Variants in MEAK7 observed in about 807,000 individuals in gnomAD.
The protein encoded by MEAK7 is MTOR associated protein MEAK7, also known as MTOR-associated protein MEAK7.
MEAK7 carries 68 observed loss-of-function variants against 40.5 expected under a neutral mutation model. The ratio of observed to expected loss-of-function variants is 1.68; its 90% CI spans 1.38 to 2.06. MEAK7 has a LOEUF of 2.06. MEAK7 is among the 30% of genes most tolerant of loss of function. MEAK7 has a pLI of 0.00. For missense variants in MEAK7, 918 were observed against 580.5 expected, an observed-to-expected ratio of 1.58 and a Z score of -5.98; for synonymous variants, 338 against 231.9, an observed-to-expected ratio of 1.46 and a Z score of -4.16.
intron 1 of MEAK7, among the ~76,000 whole-genome samples, 154 bp downstream of exon 1, chr16:84,504,447 T>C (rs1175918704): frequency 9.3e-6 from 1 of 107,816 alleles, no homozygotes. Flanking sequence ...AGCCTTCACC[T>C]CTCCCTCCCC....
chr16:84,485,684 A>G (rs1169424086), intron 5 of MEAK7, among the ~76,000 whole-genome samples: 1 of 152,160 alleles, frequency 6.6e-6, no homozygotes, highest in Non-Finnish European at 1.5e-5. Flanking sequence ...CTATCTATCT[A>G]TCTATCTATC....
chr16:84,487,323 T>A, intron 4 of MEAK7: 1 of 410,736 alleles, frequency 2.4e-6, no homozygotes, highest in South Asian at 3.5e-5. Context: ...ATTATTAGAA[T>A]CAGTTTTCCC....
chr16:84,502,616 C>A (rs1341648249), intron 1 of MEAK7: 3 of 151,908 alleles, frequency 2.0e-5, no homozygotes, highest in Non-Finnish European at 4.4e-5. Flanking sequence ...AGCTTTCCAT[C>A]ATCAAGCCTA....
At chr16:84,501,105 G>GAAAAAAAAAAAAAAAAAAAAAAAAAAA (rs35447624) in intron 1 of MEAK7, among the ~76,000 whole-genome samples, 1 of 103,638 alleles carries the variant, frequency 9.6e-6, no homozygotes, top group Non-Finnish European at 1.8e-5. Flanking sequence ...AAAAAAAAAA[G>GAAAAAAAAAAAAAAAAAAAAAAAAAAA]AAAAAAAAAA....
intron 6 of MEAK7, 59 bp from the exon 7 acceptor site, chr16:84,480,767 C>T (rs1912469817): frequency 6.6e-7 from 1 of 1,516,052 alleles, no homozygotes; most frequent in African/African-American, 1.4e-5. Context: ...CTGTGGACAT[C>T]AAATACCACA....
intron 6 of MEAK7, 150 bp from the exon 7 acceptor site, chr16:84,480,858 T>A: frequency 1.1e-6 from 1 of 876,486 alleles, no homozygotes; most frequent in Non-Finnish European, 1.7e-6. Flanking sequence ...TCCTTAACTG[T>A]GAAATATATC....
intron 3 of MEAK7, among the ~76,000 whole-genome samples, chr16:84,493,777 T>A (rs1347772061): frequency 1.3e-5 from 2 of 152,196 alleles, no homozygotes; most frequent in Non-Finnish European, 2.9e-5. Flanking sequence ...CATGAAGGCT[T>A]TGACTGGAAC....
At chr16:84,486,067 C>G (rs1014875804) in intron 5 of MEAK7, 1 of 151,962 alleles carries the variant, frequency 6.6e-6, no homozygotes, top group African/African-American at 2.4e-5. Context: ...TTCAAGTGAT[C>G]CTCCTGCCTC....
chr16:84,501,821 C>T (rs769903739), intron 1 of MEAK7, among the ~76,000 whole-genome samples: 60 of 152,236 alleles, frequency 3.9e-4, no homozygotes, highest in African/African-American at 1.1e-3. Context: ...AAGGACAGCC[C>T]GTCTCCTTTG....
At chr16:84,501,327 C>T (rs1248529245) in intron 1 of MEAK7, among the ~76,000 whole-genome samples, 1 of 151,868 alleles carries the variant, frequency 6.6e-6, no homozygotes, top group Non-Finnish European at 1.5e-5. Context: ...GAACTCAGGG[C>T]ACGTGGGGGA....
chr16:84,484,386 A>G (rs187706296), intron 5 of MEAK7, among the ~76,000 whole-genome samples: 1 of 152,338 alleles, frequency 6.6e-6, no homozygotes, highest in African/African-American at 2.4e-5. Flanking sequence ...CTGCCCACAC[A>G]GCATGGTTTC....
At chr16:84,501,105 G>GAAAAAAAAAAAAAAAAAA (rs35447624) in intron 1 of MEAK7, among the ~76,000 whole-genome samples, 2 of 103,636 alleles carry the variant, frequency 1.9e-5, no homozygotes, top group Non-Finnish European at 3.6e-5. Context: ...AAAAAAAAAA[G>GAAAAAAAAAAAAAAAAAA]AAAAAAAAAA....
Position 84,476,397 on chromosome 16 carries a change from A to G in MEAK7, c.*3516T>C, listed in dbSNP as rs1179520984. ...ATTTTAATACAGTTTTGCTGAAAAC[A>G]TGGCAAACAGGCACCCCGGTATATT... On this transcript the variant is annotated 3_prime_UTR_variant, in exon 8 of 8. Coordinates refer to ENST00000343629, the MANE Select transcript of MEAK7 (RefSeq NM_020947.4). 1 of 152,194 alleles carries G rather than the reference A, an allele frequency of 6.6e-6. No homozygotes were observed. Among genetic ancestry groups the G allele is most frequent in the Non-Finnish European group, 1.5e-5 (1 of 68,036 alleles). 9.4% of individuals were successfully genotyped at this position (152,194 alleles called of 1,614,324 possible).
chr16:84,495,760 A>C lies in MEAK7; in HGVS notation c.307T>G (p.Ser103Ala), dbSNP rs1262156673. ...ATAATCATGAGACTCTTCTCCTCGG[A>C]GTTTCCTTTCAACAGGTGGGACATG... Reference protein sequence around the residue: ...ASMSHLLKGNSEEKSLMIMKM... With the variant: ...ASMSHLLKGNAEEKSLMIMKM... Residue 103 changes from serine (S) to alanine (A), a missense_variant, in exon 3 of 8, where the codon TCC (serine) becomes GCC (alanine). By Grantham distance (99) the Ser-to-Ala change is moderately conservative. Transcript: ENST00000343629. The C allele has an allele frequency of 6.2e-7, 1 of 1,613,888 alleles. No homozygotes were observed. Among genetic ancestry groups the C allele is most frequent in the Non-Finnish European group, 8.5e-7 (1 of 1,180,018 alleles).
At position 84,489,420 on chromosome 16, in the gene MEAK7, A is replaced by G. The variant is rs769938410; in HGVS notation, c.387T>C (p.Phe129=). The G allele has an allele frequency of 1.1e-5, 17 of 1,608,538 alleles. No individual in the cohort carries two copies. In the South Asian group the frequency reaches 1.2e-4, roughly 11 times the overall value. The change falls in exon 4 of 8, where the codon TTT becomes TTC. Residue 129 remains phenylalanine (F), a splice_region_variant and synonymous_variant. Transcript: ENST00000343629. ...GPVKAREVQK[F]TEDLVGSVVH... Reference sequence around the variant, plus strand: ...CCACAGAGCCAACCAGATCCTCTGTAAACTGTAAGATCACAATTTTACCAT... The same window carrying G: ...CCACAGAGCCAACCAGATCCTCTGTGAACTGTAAGATCACAATTTTACCAT...
chr16:84,482,105 C>G (rs568861711), intron 6 of MEAK7, among the ~76,000 whole-genome samples: 12 of 152,132 alleles, frequency 7.9e-5, no homozygotes, highest in Admixed American at 2.0e-4. Context: ...AGGCCTCCCC[C>G]GCTTCCCCCT....
At chr16:84,493,092 G>A (rs925194587) in intron 3 of MEAK7, among the ~76,000 whole-genome samples, 20 of 152,204 alleles carry the variant, frequency 1.3e-4, no homozygotes, top group African/African-American at 3.6e-4. Context: ...ATTTATGTAA[G>A]TGTGTTATTA....
chr16:84,504,187 G>A lies in MEAK7; in HGVS notation c.-26+414C>T, dbSNP rs1597981307. On this transcript the variant is annotated intron_variant, in intron 1 of 7. Transcript: ENST00000343629. ...ATGGGTGTGGTCAGAATACAAGAAG[G>A]AAAACCCCCTCCACACACACTTCAG... 1.0e-5 allele frequency: 10 copies of A among 983,208 alleles called. No homozygotes were observed. In the Admixed American group the frequency reaches 4.3e-4, roughly 42 times the overall value. 60.9% of individuals were successfully genotyped at this position (983,208 alleles called of 1,614,324 possible). A position where few individuals can be genotyped will look rare whatever the true frequency, so the allele number is the denominator to read the frequency against.
intron 6 of MEAK7, 61 bp downstream of exon 6, chr16:84,482,531 G>T (rs1912656120): frequency 6.2e-7 from 1 of 1,612,644 alleles, no homozygotes; most frequent in African/African-American, 1.3e-5. Context: ...GAGCCTCGGG[G>T]TTGACACCTT....
Sources: allele counts gnomAD v4.1 joint callset (sites outside exome capture counted in the v4.1 genomes callset), GRCh38; gene constraint gnomAD v4.1.1; transcripts MANE v1.5; gene names NCBI Gene and HGNC (gene_info 2026-07-23, HGNC 2026-07-21).